FSTL4: variants seen among roughly 807,000 people sequenced by gnomAD.
The protein encoded by FSTL4 is follistatin like 4, also known as follistatin-related protein 4.
A neutral mutation model predicts 78.2 loss-of-function variants in FSTL4; 28 were observed. The observed-to-expected ratio is 0.36, with a 90% confidence interval of 0.27 to 0.49. The LOEUF (loss-of-function observed/expected upper bound fraction) is 0.49. Among genes scored for constraint, FSTL4 ranks in the 20% least tolerant of loss-of-function variants. FSTL4 has a pLI of 0.98. For synonymous variants in FSTL4, 422 were observed against 440.5 expected (o/e 0.96, Z 0.53); for missense variants, 922 against 1,084.9 (o/e 0.85, Z 2.11).
intron 4 of FSTL4, among the ~76,000 whole-genome samples, chr5:133,381,761 T>C (rs368776389): frequency 2.1e-3 from 326 of 152,356 alleles, no homozygotes; most frequent in African/African-American, 7.6e-3. Flanking sequence ...TCTATGAATA[T>C]GCCAGTAGGT....
At chr5:133,609,395 G>A (rs1761042056) in intron 1 of FSTL4, among the ~76,000 whole-genome samples, 1 of 152,112 alleles carries the variant, frequency 6.6e-6, no homozygotes, top group Non-Finnish European at 1.5e-5. Flanking sequence ...ATTCTCTTCT[G>A]CATGTCTGCT....
chr5:133,482,609 C>G (rs1354538670), intron 3 of FSTL4, among the ~76,000 whole-genome samples: 1 of 152,198 alleles, frequency 6.6e-6, no homozygotes, highest in Admixed American at 6.5e-5. Flanking sequence ...AGCTCCACAG[C>G]AGAAACAGAC....
the FSTL4 span, among the ~76,000 whole-genome samples, chr5:133,621,099 C>T: frequency 1.3e-5 from 2 of 152,074 alleles, no homozygotes; most frequent in African/African-American, 2.4e-5. Context: ...GCCATAAAAA[C>T]GAATGAATTA....
chr5:133,823,674 T>C, the FSTL4 span, among the ~76,000 whole-genome samples: 2,306 of 152,302 alleles, frequency 0.015, 45 homozygotes, highest in Admixed American at 0.026. Context: ...AGGAGCCTGC[T>C]GGGACACATG....
At chr5:133,661,428 T>C in the FSTL4 span, among the ~76,000 whole-genome samples, 1 of 152,228 alleles carries the variant, frequency 6.6e-6, no homozygotes, top group Non-Finnish European at 1.5e-5. Context: ...GCACCATGCC[T>C]GGCACACACT....
chr5:133,292,982 T>A (rs79095702), intron 6 of FSTL4, among the ~76,000 whole-genome samples: 10,473 of 152,260 alleles, frequency 0.069, 558 homozygotes, highest in East Asian at 0.26. Context: ...TGGGTGATAT[T>A]TCTCCTTCGT....
intron 4 of FSTL4, among the ~76,000 whole-genome samples, chr5:133,350,399 C>A (rs1312634124): frequency 1.3e-5 from 2 of 152,254 alleles, no homozygotes; most frequent in Non-Finnish European, 2.9e-5. Flanking sequence ...CCATGAGAAC[C>A]CGCTGTTGCA....
intron 2 of FSTL4, among the ~76,000 whole-genome samples, chr5:133,594,937 G>C (rs1238209306): frequency 6.6e-6 from 1 of 152,206 alleles, no homozygotes; most frequent in African/African-American, 2.4e-5. Flanking sequence ...CATTTTAAAA[G>C]AGTAGTTCTG....
At chr5:133,372,164 C>T (rs775296240) in intron 4 of FSTL4, among the ~76,000 whole-genome samples, 42 of 152,216 alleles carry the variant, frequency 2.8e-4, no homozygotes, top group Non-Finnish European at 4.6e-4. Flanking sequence ...ATGTTTCTCC[C>T]GCCAGGGAGA....
chr5:133,762,751 G>A, the FSTL4 span, among the ~76,000 whole-genome samples: 1 of 152,166 alleles, frequency 6.6e-6, no homozygotes, highest in Non-Finnish European at 1.5e-5. Flanking sequence ...GGGAAAGAGA[G>A]TGTCATTTCC....
intron 6 of FSTL4, chr5:133,270,268 T>C (rs180707221): frequency 7.2e-5 from 11 of 152,302 alleles, no homozygotes; most frequent in Middle Eastern, 3.4e-3. Flanking sequence ...ATTTTTACGA[T>C]GCAGATCTAG....
At chr5:133,641,570 G>A in the FSTL4 span, among the ~76,000 whole-genome samples, 1 of 152,082 alleles carries the variant, frequency 6.6e-6, no homozygotes, top group African/African-American at 2.4e-5. Context: ...ATAAATAAAA[G>A]TGTATGAATA....
chr5:133,493,277 T>C (rs1461237213), intron 3 of FSTL4, among the ~76,000 whole-genome samples: 1 of 152,202 alleles, frequency 6.6e-6, no homozygotes, highest in East Asian at 1.9e-4. Context: ...GATTTTCTTT[T>C]TCCCATCGGC....
At chr5:133,727,699 T>C in the FSTL4 span, among the ~76,000 whole-genome samples, 1 of 152,234 alleles carries the variant, frequency 6.6e-6, no homozygotes, top group African/African-American at 2.4e-5. Flanking sequence ...ATCTGAATCC[T>C]GGAACCATTC....
At chr5:133,773,424 T>C in the FSTL4 span, among the ~76,000 whole-genome samples, 1 of 152,212 alleles carries the variant, frequency 6.6e-6, no homozygotes, top group Non-Finnish European at 1.5e-5. Flanking sequence ...CTCTGGCTTC[T>C]AGTTCAGCCA....
chr5:133,303,655 T>A (rs1753598027), intron 6 of FSTL4, among the ~76,000 whole-genome samples: 2 of 152,136 alleles, frequency 1.3e-5, no homozygotes, highest in Non-Finnish European at 2.9e-5. Flanking sequence ...AAGCTGGGCC[T>A]TGTAGTAGTG....
chr5:133,526,481 C>T (rs1759102241), intron 3 of FSTL4, among the ~76,000 whole-genome samples: 1 of 152,112 alleles, frequency 6.6e-6, no homozygotes, highest in Non-Finnish European at 1.5e-5. Context: ...GGTGCGACTC[C>T]TATTGGAGAG....
At chr5:133,799,014 G>A in the FSTL4 span, among the ~76,000 whole-genome samples, 1 of 87,206 alleles carries the variant, frequency 1.1e-5, no homozygotes, top group Non-Finnish European at 2.7e-5. Flanking sequence ...GAGGGGAAGG[G>A]AAGGAATTAG....
the FSTL4 span, among the ~76,000 whole-genome samples, chr5:133,627,514 A>C: frequency 6.6e-6 from 1 of 152,128 alleles, no homozygotes; most frequent in Non-Finnish European, 1.5e-5. Flanking sequence ...TCAAGATGAG[A>C]TTTGTGTGGG....
Sources: gnomAD v4.1 joint callset for allele counts (sites outside exome capture counted in the v4.1 genomes callset) on GRCh38, gnomAD v4.1.1 for gene constraint, MANE v1.5 for transcripts, NCBI Gene and HGNC (gene_info 2026-07-23, HGNC 2026-07-21) for gene names.